Variants in ZNF445 observed in about 807,000 individuals in gnomAD.
ZNF445 encodes the protein zinc finger protein 445.
In ZNF445, 19 loss-of-function variants were observed where a neutral mutation model predicts 93.9. The observed-to-expected ratio is 0.20, with a 90% CI of 0.14 to 0.30. ZNF445 has a LOEUF of 0.30. Ranked by LOEUF, ZNF445 falls within the 10% of genes least tolerant of loss-of-function variation. The probability of loss-of-function intolerance (pLI) is 1.00; values close to 1 mark genes in which losing one functional copy is unlikely to be tolerated. For synonymous variants in ZNF445, 449 were observed against 446.3 expected (o/e 1.01, Z -0.08); for missense variants, 1,058 against 1,259.4 (o/e 0.84, Z 2.42).
Position 44,438,136 on chromosome 3 carries a change from C to T in ZNF445, c.*8439G>A, listed in dbSNP as rs1219729318. ...ATGCAATTTGGAGAGTACTGTATCTCCTCAGTCACATTTTGCACTTCACTT... is the reference window on the plus strand; with the variant it reads ...ATGCAATTTGGAGAGTACTGTATCTTCTCAGTCACATTTTGCACTTCACTT... On this transcript the variant is annotated 3_prime_UTR_variant, in exon 8 of 8. Coordinates refer to ENST00000396077, the MANE Select transcript of ZNF445 (RefSeq NM_181489.6). 10 of 151,882 alleles carry T rather than the reference C, an allele frequency of 6.6e-5. No homozygotes were observed. Among genetic ancestry groups the T allele is most frequent in the Admixed American group, 6.6e-4 (10 of 15,224 alleles). The allele number at this position is 151,882 out of a possible 1,614,324, so 9.4% of individuals were successfully genotyped here. A position where few individuals can be genotyped will look rare whatever the true frequency, so the allele number is the denominator to read the frequency against.
Position 44,447,535 on chromosome 3 carries a change from G to T in ZNF445, c.2136C>A (p.Ser712Arg), listed in dbSNP as rs112610581. ...TATAGGCAAAGTCCTTCCCACAATC[G>T]CTACACTGGTAAGGTTTCTCACCTG... ...IHTGEKPYQC[S>R]DCGKDFAYRS... The change falls in exon 8 of 8, where the codon AGC becomes AGA. Residue 712 changes from serine (S) to arginine (R), a missense_variant. This residue lies in a region of ZNF445 where 387 missense variants were observed against 475.7 expected (regional missense o/e 0.81). Coordinates refer to ENST00000396077, the MANE Select transcript of ZNF445 (RefSeq NM_181489.6). The surrounding 1 kb of genome is among the most constrained non-coding windows in gnomAD (Gnocchi z 4.7). 5 of 1,614,050 alleles carry T rather than the reference G, an allele frequency of 3.1e-6. No individual in the cohort carries two copies. Among genetic ancestry groups the T allele is most frequent in the Admixed American group, 1.7e-5 (1 of 60,002 alleles).
chr3:44,447,214 A>G lies in ZNF445; in HGVS notation c.2457T>C (p.Asp819=). 1.9e-6 allele frequency: 3 copies of G among 1,614,166 alleles called. No homozygotes were observed. Among genetic ancestry groups the G allele is most frequent in the Non-Finnish European group, 1.7e-6 (2 of 1,180,036 alleles). ...QRIHSLQKQY[D]CHESEKTPNV... The stretch of plus-strand genomic sequence containing the variant: ...TTGGAGTCTTTTCACTTTCATGGCA[A>G]TCATACTGTTTTTGAAGAGAGTGAA... The change falls in exon 8 of 8, where the codon GAT becomes GAC. Residue 819 remains aspartate, a synonymous_variant. Transcript: ENST00000396077. The surrounding 1 kb of genome is among the most constrained non-coding windows in gnomAD (Gnocchi z 4.7).
Position 44,435,594 on chromosome 3 carries a change from G to C in ZNF445, c.*10981C>G, listed in dbSNP as rs888252218. The stretch of plus-strand genomic sequence containing the variant: ...TCTCAACAATCTCTCCAGGAATGTG[G>C]TATTAGTTTGCTTTAATATTTTTGT... On this transcript the variant is annotated 3_prime_UTR_variant, in exon 8 of 8. Coordinates refer to ENST00000396077, the MANE Select transcript of ZNF445 (RefSeq NM_181489.6). The C allele has an allele frequency of 6.6e-6, 1 of 152,164 alleles. No individual in the cohort carries two copies. Among genetic ancestry groups the C allele is most frequent in the Admixed American group, 6.5e-5 (1 of 15,278 alleles). The allele number at this position is 152,164 out of a possible 1,614,324, so 9.4% of individuals were successfully genotyped here. A position where few individuals can be genotyped will look rare whatever the true frequency, so the allele number is the denominator to read the frequency against.
Position 44,441,397 on chromosome 3 carries a change from G to C in ZNF445, c.*5178C>G, listed in dbSNP as rs1335765283. 6.6e-6 allele frequency: 1 copy of C among 152,176 alleles called. No homozygotes were observed. Among genetic ancestry groups the C allele is most frequent in the Non-Finnish European group, 1.5e-5 (1 of 68,052 alleles). 9.4% of individuals were successfully genotyped at this position (152,176 alleles called of 1,614,324 possible). A position where few individuals can be genotyped will look rare whatever the true frequency, so the allele number is the denominator to read the frequency against. ...GGCAAGGTCTTTATGACTGTATCTT[G>C]TGCTGACCTCCTATCTCATCCCATG... On this transcript the variant is annotated 3_prime_UTR_variant, in exon 8 of 8. Coordinates refer to ENST00000396077, the MANE Select transcript of ZNF445 (RefSeq NM_181489.6).
intron 7 of ZNF445, 68 bp from the exon 8 acceptor site, chr3:44,448,807 G>A: frequency 3.9e-6 from 6 of 1,520,734 alleles, no homozygotes; most frequent in Non-Finnish European, 4.4e-6. Context: ...AAGCACCAAA[G>A]GGCAATAAAA....
intron 1 of ZNF445, among the ~76,000 whole-genome samples, chr3:44,465,681 G>C (rs2125684204): frequency 6.6e-6 from 1 of 152,324 alleles, no homozygotes; most frequent in Middle Eastern, 3.4e-3. Flanking sequence ...GGGAGGCTGA[G>C]GCAGGAGGAT....
In ZNF445 at chr3:44,446,570, C is replaced by T. The variant is rs1429280692; in HGVS notation, c.*5G>A. The T allele has an allele frequency of 6.2e-7, 1 of 1,613,988 alleles. No homozygotes were observed. The highest frequency in any genetic ancestry group is 2.2e-5 in the East Asian group (1 of 44,894). On this transcript the variant is annotated 3_prime_UTR_variant, in exon 8 of 8. Coordinates refer to ENST00000396077, the MANE Select transcript of ZNF445 (RefSeq NM_181489.6). This position sits in a 1 kb window ranked among gnomAD's most constrained non-coding sequence, Gnocchi z 4.2. Reference sequence around the variant, plus strand: ...CCACCCCCACTGTCACTGTCAGGTCCCAGGCTAATCTCTAATATGGTTTTT... The same window carrying T: ...CCACCCCCACTGTCACTGTCAGGTCTCAGGCTAATCTCTAATATGGTTTTT...
intron 3 of ZNF445, chr3:44,454,812 T>C: frequency 2.6e-6 from 1 of 385,028 alleles, no homozygotes; most frequent in Non-Finnish European, 4.9e-6. Context: ...CAAGCAATCC[T>C]CCCACCTCAG....
chr3:44,477,254 T>A (rs929850824), intron 1 of ZNF445, among the ~76,000 whole-genome samples: 3 of 152,222 alleles, frequency 2.0e-5, no homozygotes, highest in Non-Finnish European at 4.4e-5. Context: ...GGAGACAGAT[T>A]TCAGGATTGC....
At chr3:44,473,844 A>G (rs1698307121) in intron 1 of ZNF445, among the ~76,000 whole-genome samples, 1 of 150,894 alleles carries the variant, frequency 6.6e-6, no homozygotes, top group Non-Finnish European at 1.5e-5. Context: ...AAAGAATAAA[A>G]TAAGTATCCA....
intron 3 of ZNF445, chr3:44,454,911 G>C: frequency 3.3e-6 from 2 of 607,636 alleles, no homozygotes. Context: ...ATCTGGAGCT[G>C]ATATTCCTCT....
chr3:44,446,844 T>G lies in ZNF445; in HGVS notation c.2827A>C (p.Lys943Gln), dbSNP rs770187250. ...SSQDTKLRLQ[K>Q]LKPSEEMPLE... Reference sequence around the variant, plus strand: ...GGCATCTCTTCACTTGGTTTTAGCTTCTGTAATCTCAACTTTGTGTCCTGA... The same window carrying G: ...GGCATCTCTTCACTTGGTTTTAGCTGCTGTAATCTCAACTTTGTGTCCTGA... The change falls in exon 8 of 8, where the codon AAG (lysine) becomes CAG (glutamine). Residue 943 changes from lysine to glutamine, a missense_variant. Coordinates refer to ENST00000396077, the MANE Select transcript of ZNF445 (RefSeq NM_181489.6). This position sits in a 1 kb window ranked among gnomAD's most constrained non-coding sequence, Gnocchi z 4.2. 22 of 1,614,024 alleles carry G rather than the reference T, an allele frequency of 1.4e-5. No homozygotes were observed. The highest frequency in any genetic ancestry group is 1.9e-5 in the Non-Finnish European group (22 of 1,180,050).
At chr3:44,462,435 C>T (rs1698129434) in intron 1 of ZNF445, among the ~76,000 whole-genome samples, 1 of 152,198 alleles carries the variant, frequency 6.6e-6, no homozygotes, top group Non-Finnish European at 1.5e-5. Context: ...GCTTCTCTAG[C>T]CTCCTTCTGG....
At chr3:44,463,011 TTGTGTGTGTGTGTGTGTGTGTGTGTG>T (rs61329186) in intron 1 of ZNF445, among the ~76,000 whole-genome samples, 62 of 144,456 alleles carry the variant, frequency 4.3e-4, no homozygotes, top group Admixed American at 1.7e-3. Context: ...ATTTTTTTCT[TTGTGTGTGTGTGTGTGTGTGTGTGTG>T]TGTGTGTGTG....
chr3:44,461,909 C>T (rs936840269), intron 1 of ZNF445, among the ~76,000 whole-genome samples: 2 of 152,108 alleles, frequency 1.3e-5, no homozygotes, highest in African/African-American at 4.8e-5. Flanking sequence ...AGAACCTGCT[C>T]CATTCTTCTG....
intron 1 of ZNF445, among the ~76,000 whole-genome samples, chr3:44,477,290 T>C (rs2125687983): frequency 6.6e-6 from 1 of 152,384 alleles, no homozygotes; most frequent in Non-Finnish European, 1.5e-5. Context: ...TCTTCTACTT[T>C]CCCGTGTTAT....
intron 1 of ZNF445, among the ~76,000 whole-genome samples, chr3:44,477,275 A>G: frequency 6.6e-6 from 1 of 152,212 alleles, no homozygotes; most frequent in East Asian, 1.9e-4. Flanking sequence ...GGCTACTTTT[A>G]CTTTTCTTCT....
Position 44,455,105 on chromosome 3 carries a change from AC to A in ZNF445, c.429+15del. On this transcript the variant is annotated intron_variant, in intron 3 of 7. Transcript: ENST00000396077. Reference sequence around the variant, plus strand: ...AGGCAGAGTTCCCTGGGCACCACACACTTGCTCACACTCACCCTCCAGGATG... The same window carrying A: ...AGGCAGAGTTCCCTGGGCACCACACATTGCTCACACTCACCCTCCAGGATG... The A allele has an allele frequency of 6.2e-7, 1 of 1,613,876 alleles. No homozygotes were observed. Among genetic ancestry groups the A allele is most frequent in the South Asian group, 1.1e-5 (1 of 91,060 alleles).
chr3:44,466,444 T>C (rs998769569), intron 1 of ZNF445, among the ~76,000 whole-genome samples: 1 of 152,258 alleles, frequency 6.6e-6, no homozygotes, highest in Non-Finnish European at 1.5e-5. Flanking sequence ...TTCTTTGGTC[T>C]ACATTTGTGT....
Sources: gnomAD v4.1 joint callset for allele counts (sites outside exome capture counted in the v4.1 genomes callset) on GRCh38, gnomAD v4.1.1 for gene constraint, gnomAD v4.1.1 regional missense constraint, Gnocchi (gnomAD v3.1) non-coding constraint, MANE v1.5 for transcripts, NCBI Gene and HGNC (gene_info 2026-07-23, HGNC 2026-07-21) for gene names.